The following BRMS1 variants were observed in gnomAD, a reference collection of about 807,000 sequenced individuals.
The protein encoded by BRMS1 is BRMS1 transcriptional repressor and anoikis regulator.
BRMS1 carries 26 observed loss-of-function variants against 40.4 expected under a neutral mutation model. The ratio of observed to expected loss-of-function variants is 0.64; its 90% CI spans 0.47 to 0.89. The LOEUF is 0.89. Ranked by LOEUF, BRMS1 falls within the 40% of genes least tolerant of loss-of-function variation. The pLI is 0.00. For synonymous variants in BRMS1, 103 were observed against 116.0 expected, an observed-to-expected ratio of 0.89 and a Z score of 0.72; for missense variants, 289 against 309.4, an observed-to-expected ratio of 0.93 and a Z score of 0.49.
rs889364126 is a variant in BRMS1 at position 66,341,967 on chromosome 11, G to GT, written c.139+128dup. 1 of 1,030,622 alleles carries GT rather than the reference G, an allele frequency of 9.7e-7. No homozygotes were observed. Among genetic ancestry groups the GT allele is most frequent in the Non-Finnish European group, 1.4e-6 (1 of 704,822 alleles). 63.8% of individuals were successfully genotyped at this position (1,030,622 alleles called of 1,614,324 possible). ...GTGTGCGCTTGTGTGCAGGGTCTGT[G>GT]TATGTGCTTGTGTGTAGGCGCTGTA... is the stretch of plus-strand genomic sequence containing the variant. On this transcript the variant is annotated intron_variant, in intron 2 of 9. Coordinates refer to ENST00000359957, the MANE Select transcript of BRMS1 (RefSeq NM_015399.4). The surrounding 1 kb of genome is among the most constrained non-coding windows in gnomAD (Gnocchi z 4.9).
At chr11:66,337,981 G>T in intron 9 of BRMS1, 92 bp from the exon 10 acceptor site, 2 of 1,428,564 alleles carry the variant, frequency 1.4e-6, no homozygotes, top group Non-Finnish European at 1.9e-6. Context: ...GGCTGGCCCA[G>T]AACAGGCCTC....
rs377110774 is a variant in BRMS1 at position 66,341,164 on chromosome 11, C to A, written c.358+42G>T. 2 of 1,611,098 alleles carry A rather than the reference C, an allele frequency of 1.2e-6. No individual in the cohort carries two copies. The highest frequency in any genetic ancestry group is 1.3e-5 in the African/African-American group (1 of 74,812). On this transcript the variant is annotated intron_variant, in intron 4 of 9. Coordinates refer to ENST00000359957, the MANE Select transcript of BRMS1 (RefSeq NM_015399.4). The surrounding 1 kb of genome is among the most constrained non-coding windows in gnomAD (Gnocchi z 4.9). ...GAGAGAGGAAGGGGACAGGGTGCCACGGGTTCTGGGAGGGGAAGAGGGTAC... is the reference window on the plus strand; with the variant it reads ...GAGAGAGGAAGGGGACAGGGTGCCAAGGGTTCTGGGAGGGGAAGAGGGTAC...
chr11:66,338,569 G>A lies in BRMS1; in HGVS notation c.693+152C>T, dbSNP rs537339222. 14 of 1,548,152 alleles carry A rather than the reference G, an allele frequency of 9.0e-6. No homozygotes were observed. In the East Asian group the frequency reaches 3.4e-4, roughly 38 times the overall value. On this transcript the variant is annotated intron_variant, in intron 8 of 9. Transcript: ENST00000359957. ...TTCCCAGGGCCGCCTTGAGCAAGAG[G>A]ACTTGTGAGCCAACTGCGATCCAGG...
chr11:66,341,172 G>A lies in BRMS1; in HGVS notation c.358+34C>T. 1 of 1,611,238 alleles carries A rather than the reference G, an allele frequency of 6.2e-7. No homozygotes were observed. The highest frequency in any genetic ancestry group is 1.7e-4 in the Middle Eastern group (1 of 6,042). ...AAGGGGACAGGGTGCCACGGGTTCTGGGAGGGGAAGAGGGTACAGAACCAC... is the reference window on the plus strand; with the variant it reads ...AAGGGGACAGGGTGCCACGGGTTCTAGGAGGGGAAGAGGGTACAGAACCAC... On this transcript the variant is annotated intron_variant, in intron 4 of 9. Transcript: ENST00000359957. The surrounding 1 kb of genome is among the most constrained non-coding windows in gnomAD (Gnocchi z 4.9).
At chr11:66,342,061 T>TGTGTGC (rs747626839) in intron 2 of BRMS1, 35 bp downstream of exon 2, 1 of 1,600,256 alleles carries the variant, frequency 6.2e-7, no homozygotes. Flanking sequence ...GGGCTCTGTG[T>TGTGTGC]GTGTGTGTGT....
intron 6 of BRMS1, 101 bp from the exon 7 acceptor site, chr11:66,340,314 CCT>C (rs1855037950): frequency 1.0e-6 from 1 of 983,746 alleles, no homozygotes; most frequent in Admixed American, 2.0e-5. Flanking sequence ...CCTCATCTCC[CCT>C]GTCCCATCAC....
At position 66,337,630 on chromosome 11, in the gene BRMS1, C is replaced by T. The variant is rs1015100876; in HGVS notation, c.*252G>A. ...ATCTTCAGGAGTGGGAGGTGGCAGG[C>T]GGCTCAGGGATGGAGACAGCAGCCT... On this transcript the variant is annotated 3_prime_UTR_variant, in exon 10 of 10. Transcript: ENST00000359957. 1.7e-5 allele frequency: 25 copies of T among 1,460,234 alleles called. No individual in the cohort carries two copies. The highest frequency in any genetic ancestry group is 3.8e-5 in the South Asian group (3 of 78,956). The allele number at this position is 1,460,234 out of a possible 1,614,324, so 90.5% of individuals were successfully genotyped here. A position where few individuals can be genotyped will look rare whatever the true frequency, so the allele number is the denominator to read the frequency against.
intron 8 of BRMS1, 192 bp downstream of exon 8, chr11:66,338,529 G>A: frequency 6.7e-7 from 1 of 1,492,888 alleles, no homozygotes; most frequent in South Asian, 1.2e-5. Context: ...GGCTGACACA[G>A]ACTAGAAATC....
At position 66,338,272 on chromosome 11, in the gene BRMS1, G is replaced by A. The variant is rs1432837451; in HGVS notation, c.704C>T (p.Ala235Val). The A allele has an allele frequency of 6.2e-7, 1 of 1,610,772 alleles. No homozygotes were observed. Among genetic ancestry groups the A allele is most frequent in the Non-Finnish European group, 8.5e-7 (1 of 1,178,370 alleles). ...CGATTTTCTCTTCTGAGGGGACACA[G>A]CTGCCCTAGCCTGGGTGGGTGAGAA... ...DWTAIKKARAAVSPQKRKSDG... is the reference protein window; with the variant it reads ...DWTAIKKARAVVSPQKRKSDG... Residue 235 changes from alanine to valine, a missense_variant, in exon 9 of 10, where the codon GCT (alanine) becomes GTT (valine). Ala to Val is a moderately conservative substitution (Grantham distance 64). Coordinates refer to ENST00000359957, the MANE Select transcript of BRMS1 (RefSeq NM_015399.4).
chr11:66,342,575 T>A (rs1463484889), intron 1 of BRMS1, among the ~76,000 whole-genome samples: 1 of 152,228 alleles, frequency 6.6e-6, no homozygotes, highest in Non-Finnish European at 1.5e-5. Flanking sequence ...CTTTTCTTCT[T>A]ATTATTTTTT....
chr11:66,343,256 G>A (rs1015767547), intron 1 of BRMS1, among the ~76,000 whole-genome samples: 1 of 152,190 alleles, frequency 6.6e-6, no homozygotes, highest in African/African-American at 2.4e-5. Context: ...CTTCCTTGTG[G>A]CTAATGCCAA....
At chr11:66,339,926 A>G (rs1441204626) in intron 7 of BRMS1, 195 bp downstream of exon 7, 3 of 527,460 alleles carry the variant, frequency 5.7e-6, no homozygotes, top group Non-Finnish European at 1.0e-5. Context: ...TAGGGTTCAC[A>G]TAGCCCAGAG....
chr11:66,340,877 G>T lies in BRMS1; in HGVS notation c.439-7C>A, dbSNP rs1855049597. ...AGAGCAGCAGCTTCTCACTCTGGAA[G>T]AGGGGGCAATAGCTCAGCAGGACGG... On this transcript the variant is annotated splice_polypyrimidine_tract_variant and splice_region_variant and intron_variant, in intron 5 of 9. Coordinates refer to ENST00000359957, the MANE Select transcript of BRMS1 (RefSeq NM_015399.4). 8.1e-6 allele frequency: 13 copies of T among 1,614,060 alleles called. No homozygotes were observed. The highest frequency in any genetic ancestry group is 1.1e-5 in the Non-Finnish European group (13 of 1,179,958).
At chr11:66,339,267 T>C (rs1398275577) in intron 7 of BRMS1, among the ~76,000 whole-genome samples, 1 of 152,236 alleles carries the variant, frequency 6.6e-6, no homozygotes, top group Non-Finnish European at 1.5e-5. Flanking sequence ...TGACTAAGAC[T>C]GGCTGCTGCA....
chr11:66,340,732 G>C, intron 6 of BRMS1, 42 bp downstream of exon 6: 1 of 1,548,680 alleles, frequency 6.5e-7, no homozygotes, highest in Non-Finnish European at 8.8e-7. Flanking sequence ...GGCGTGGACT[G>C]AGCGGGGCCC....
intron 9 of BRMS1, 147 bp downstream of exon 9, chr11:66,338,096 C>A: frequency 1.6e-6 from 2 of 1,246,302 alleles, no homozygotes; most frequent in East Asian, 5.1e-5. Flanking sequence ...CTCCCACAAG[C>A]CCCTCAAATC....
rs752980531 is a variant in BRMS1, at chr11:66,341,356, T to TGCACCCATTTGC, written c.231-35_231-24dup. 1 of 1,605,804 alleles carries TGCACCCATTTGC rather than the reference T, an allele frequency of 6.2e-7. No individual in the cohort carries two copies. Among genetic ancestry groups the TGCACCCATTTGC allele is most frequent in the South Asian group, 1.1e-5 (1 of 90,862 alleles). ...AACCTGCGTGGTAAAAAGGCAGCCG[T>TGCACCCATTTGC]GCACCCATTTGCTCACCCATCGCTC... On this transcript the variant is annotated intron_variant, in intron 3 of 9. Coordinates refer to ENST00000359957, the MANE Select transcript of BRMS1 (RefSeq NM_015399.4). This position sits in a 1 kb window ranked among gnomAD's most constrained non-coding sequence, Gnocchi z 4.9.
chr11:66,341,093 G>A lies in BRMS1; in HGVS notation c.359-47C>T, dbSNP rs373955490. 38 of 1,611,512 alleles carry A rather than the reference G, an allele frequency of 2.4e-5. No individual in the cohort carries two copies. In the African/African-American group the frequency reaches 3.6e-4, roughly 15 times the overall value. Reference sequence around the variant, plus strand: ...TCCCTGCTTGGCTGGGGAGCCCGGTGCCCACATAGGAGGGCTGAGAGCAAA... The same window carrying A: ...TCCCTGCTTGGCTGGGGAGCCCGGTACCCACATAGGAGGGCTGAGAGCAAA... On this transcript the variant is annotated intron_variant, in intron 4 of 9. Coordinates refer to ENST00000359957, the MANE Select transcript of BRMS1 (RefSeq NM_015399.4). This position sits in a 1 kb window ranked among gnomAD's most constrained non-coding sequence, Gnocchi z 4.9.
Position 66,340,013 on chromosome 11 carries a change from G to A in BRMS1, c.628+108C>T, listed in dbSNP as rs1329347141. ...TTCACATGACACCAAGCAACCACGA[G>A]TGCATCTAGTGTGACTGTCCTCCAT... On this transcript the variant is annotated intron_variant, in intron 7 of 9. Transcript: ENST00000359957. 1.2e-5 allele frequency: 10 copies of A among 823,122 alleles called. No individual in the cohort carries two copies. In the East Asian group the frequency reaches 2.3e-4, roughly 19 times the overall value. The allele number at this position is 823,122 out of a possible 1,614,324, so 51.0% of individuals were successfully genotyped here. A position where few individuals can be genotyped will look rare whatever the true frequency, so the allele number is the denominator to read the frequency against.
Sources: allele counts gnomAD v4.1 joint callset (sites outside exome capture counted in the v4.1 genomes callset), GRCh38; gene constraint gnomAD v4.1.1; non-coding constraint Gnocchi (gnomAD v3.1); transcripts MANE v1.5; gene names NCBI Gene and HGNC (gene_info 2026-07-23, HGNC 2026-07-21).